BICD1: variants seen among roughly 807,000 people sequenced by gnomAD.
The protein encoded by BICD1 is protein bicaudal D homolog 1.
A neutral mutation model predicts 92.5 loss-of-function variants in BICD1; 35 were observed. That is an observed-to-expected ratio of 0.38 (90% CI 0.29 to 0.50). The LOEUF (loss-of-function observed/expected upper bound fraction) is 0.50, where lower values mean the gene tolerates loss of function less well. Among genes scored for constraint, BICD1 ranks in the 20% least tolerant of loss-of-function variants. The pLI is 0.93. For missense variants in BICD1, 950 were observed against 1,189.8 expected, an observed-to-expected ratio of 0.80 and a Z score of 2.97; for synonymous variants, 429 against 465.1, an observed-to-expected ratio of 0.92 and a Z score of 1.00.
intron 8 of BICD1, among the ~76,000 whole-genome samples, chr12:32,366,544 G>A: frequency 6.6e-6 from 1 of 152,190 alleles, no homozygotes; most frequent in Non-Finnish European, 1.5e-5. Flanking sequence ...ACCTCGGGAG[G>A]CTGAGGCAGG....
At chr12:32,321,034 A>C (rs1160162325) in intron 4 of BICD1, among the ~76,000 whole-genome samples, 1 of 152,156 alleles carries the variant, frequency 6.6e-6, no homozygotes. Flanking sequence ...ACTAAATCTA[A>C]AACAATTTAG....
At chr12:32,276,054 AT>A (rs1257628868) in intron 2 of BICD1, among the ~76,000 whole-genome samples, 1 of 152,038 alleles carries the variant, frequency 6.6e-6, no homozygotes, top group Non-Finnish European at 1.5e-5. Flanking sequence ...CCCCGGTAAC[AT>A]TTTGGCGACC....
intron 2 of BICD1, among the ~76,000 whole-genome samples, chr12:32,230,195 A>T (rs1267416546): frequency 4.6e-5 from 7 of 151,990 alleles, no homozygotes; most frequent in African/African-American, 7.2e-5. Context: ...GAACCGTAGG[A>T]GTCATGGGAG....
intron 2 of BICD1, among the ~76,000 whole-genome samples, chr12:32,279,561 G>T (rs1947362994): frequency 6.6e-6 from 1 of 152,184 alleles, no homozygotes; most frequent in African/African-American, 2.4e-5. Context: ...AAGAAGACAA[G>T]TCATTTATGA....
At chr12:32,237,292 T>G (rs1946101300) in intron 2 of BICD1, among the ~76,000 whole-genome samples, 1 of 152,164 alleles carries the variant, frequency 6.6e-6, no homozygotes, top group African/African-American at 2.4e-5. Context: ...TTCATGAGGT[T>G]TAAGGAAAGA....
intron 1 of BICD1, among the ~76,000 whole-genome samples, chr12:32,141,948 G>A (rs1204615986): frequency 1.3e-5 from 2 of 152,178 alleles, no homozygotes; most frequent in Non-Finnish European, 2.9e-5. Context: ...TTCATCGAAT[G>A]TATGGGCTCA....
At chr12:32,169,322 A>G (rs1473891378) in intron 1 of BICD1, among the ~76,000 whole-genome samples, 1 of 152,214 alleles carries the variant, frequency 6.6e-6, no homozygotes, top group Admixed American at 6.5e-5. Context: ...TTTTATTTTC[A>G]GGCTAGTGGC....
At chr12:32,110,650 G>T (rs1416256727) in intron 1 of BICD1, among the ~76,000 whole-genome samples, 1 of 152,146 alleles carries the variant, frequency 6.6e-6, no homozygotes, top group Non-Finnish European at 1.5e-5. Context: ...ACCCAGGCCA[G>T]AATAGTGTTT....
At chr12:32,224,312 C>T (rs992293169) in intron 2 of BICD1, among the ~76,000 whole-genome samples, 1 of 152,248 alleles carries the variant, frequency 6.6e-6, no homozygotes, top group Admixed American at 6.5e-5. Flanking sequence ...TTGTTTTTAA[C>T]TGATTTACAT....
chr12:32,107,041 A>C lies in BICD1; in HGVS notation c.-291A>C. ...GCCGCCGCAGCCCGGGCCATGCCGCACGGCTGCTGACCGCACGCAGGGGCC... is the reference window on the plus strand; with the variant it reads ...GCCGCCGCAGCCCGGGCCATGCCGCCCGGCTGCTGACCGCACGCAGGGGCC... On this transcript the variant is annotated 5_prime_UTR_variant, in exon 1 of 10. Coordinates refer to ENST00000652176, the MANE Select transcript of BICD1 (RefSeq NM_001714.4). 1 of 369,186 alleles carries C rather than the reference A, an allele frequency of 2.7e-6. No individual in the cohort carries two copies. Among genetic ancestry groups the C allele is most frequent in the Non-Finnish European group, 4.9e-6 (1 of 202,032 alleles). 22.9% of individuals were successfully genotyped at this position (369,186 alleles called of 1,614,324 possible).
At chr12:32,149,991 C>T (rs1331486072) in intron 1 of BICD1, among the ~76,000 whole-genome samples, 1 of 152,162 alleles carries the variant, frequency 6.6e-6, no homozygotes, top group Admixed American at 6.5e-5. Flanking sequence ...GCCTCACAGT[C>T]ATGGCAGAAG....
At chr12:32,323,496 A>G (rs747970261) in intron 4 of BICD1, among the ~76,000 whole-genome samples, 1 of 152,204 alleles carries the variant, frequency 6.6e-6, no homozygotes, top group Non-Finnish European at 1.5e-5. Context: ...ATAGCTAAGT[A>G]AATGTTGGTC....
chr12:32,293,275 T>C (rs1947770757), intron 2 of BICD1, among the ~76,000 whole-genome samples: 1 of 152,184 alleles, frequency 6.6e-6, no homozygotes, highest in East Asian at 1.9e-4. Context: ...TAATAATATA[T>C]TGTGACTACA....
intron 1 of BICD1, among the ~76,000 whole-genome samples, chr12:32,184,106 T>A (rs1423083264): frequency 6.6e-6 from 1 of 152,162 alleles, no homozygotes. Flanking sequence ...TCAGGACTGT[T>A]GAAGAAGGCT....
chr12:32,282,049 C>T (rs568661447), intron 2 of BICD1, among the ~76,000 whole-genome samples: 1 of 152,016 alleles, frequency 6.6e-6, no homozygotes, highest in Non-Finnish European at 1.5e-5. Context: ...CAAGTGGCTG[C>T]TGTAGAAGGA....
chr12:32,255,337 A>G (rs2136114803), intron 2 of BICD1, among the ~76,000 whole-genome samples: 1 of 152,234 alleles, frequency 6.6e-6, no homozygotes, highest in Admixed American at 6.5e-5. Flanking sequence ...CTGGGGCTTC[A>G]ACATAGGAGT....
chr12:32,144,031 C>T (rs1469017861), intron 1 of BICD1, among the ~76,000 whole-genome samples: 2 of 152,062 alleles, frequency 1.3e-5, no homozygotes, highest in Admixed American at 6.6e-5. Flanking sequence ...GGCCCCTAGT[C>T]CTTTATTCTT....
chr12:32,334,711 A>G lies in BICD1; in HGVS notation c.2252+44A>G, dbSNP rs377391532. On this transcript the variant is annotated intron_variant, in intron 6 of 9. Transcript: ENST00000652176. The stretch of plus-strand genomic sequence containing the variant: ...TATGACTGGGTGTGGTAGGTGGGGT[A>G]AAGGCTTTAAAATTCACAGCCCTGC... The G allele has an allele frequency of 1.9e-6, 3 of 1,568,054 alleles. No homozygotes were observed. The African/African-American group carries it at 4.1e-5, about 21-fold the overall frequency.
rs185014558 is a variant in BICD1, at chr12:32,183,522, C to T, written c.214-32725C>T. On this transcript the variant is annotated intron_variant, in intron 1 of 9. Transcript: ENST00000652176. Reference sequence around the variant, plus strand: ...CCTTGTGATCTGCCCACCTCGGCCTCCCAAAGTGCTGGCATTATAGGCGTG... The same window carrying T: ...CCTTGTGATCTGCCCACCTCGGCCTTCCAAAGTGCTGGCATTATAGGCGTG... Among the ~76,000 whole-genome samples the T allele has an allele frequency of 1.9e-3, 290 of 152,300 alleles. 1 individual carries two copies. Among genetic ancestry groups the T allele is most frequent in the Middle Eastern group, 0.017 (5 of 294 alleles).
Sources: allele counts gnomAD v4.1 joint callset (sites outside exome capture counted in the v4.1 genomes callset), GRCh38; gene constraint gnomAD v4.1.1; transcripts MANE v1.5; gene names NCBI Gene and HGNC (gene_info 2026-07-23, HGNC 2026-07-21).